Variants in RANBP10 observed in about 807,000 individuals in gnomAD.
The protein encoded by RANBP10 is RAN binding protein 10.
RANBP10 carries 24 observed loss-of-function variants against 72.8 expected under a neutral mutation model. The ratio of observed to expected loss-of-function variants is 0.33; its 90% CI spans 0.24 to 0.46. The LOEUF is 0.46. Among genes scored for constraint, RANBP10 ranks in the 20% least tolerant of loss-of-function variants. The probability of loss-of-function intolerance (pLI) is 1.00; values close to 1 mark genes in which losing one functional copy is unlikely to be tolerated. For synonymous variants in RANBP10, 310 were observed against 322.3 expected, an observed-to-expected ratio of 0.96 and a Z score of 0.41; for missense variants, 679 against 817.5, an observed-to-expected ratio of 0.83 and a Z score of 2.07.
rs933204630 is a variant in RANBP10, at chr16:67,727,796, C to T, written c.1575G>A (p.Leu525=). The part of the protein sequence containing the change: ...GRELQALSEQ[L]GREYGKNLAH... ...CCAAATTCTTGCCGTACTCCCGGCCCAACTGCTCACTCAATGCCTGCAACT... is the reference window on the plus strand; with the variant it reads ...CCAAATTCTTGCCGTACTCCCGGCCTAACTGCTCACTCAATGCCTGCAACT... Residue 525 remains leucine (L), a synonymous_variant, in exon 12 of 14, where the codon TTG becomes TTA. Coordinates refer to ENST00000317506, the MANE Select transcript of RANBP10 (RefSeq NM_020850.3). 1 of 1,614,076 alleles carries T rather than the reference C, an allele frequency of 6.2e-7. No homozygotes were observed. Among genetic ancestry groups the T allele is most frequent in the African/African-American group, 1.3e-5 (1 of 74,936 alleles).
At chr16:67,802,114 T>C (rs2055245541) in intron 2 of RANBP10, among the ~76,000 whole-genome samples, 1 of 148,048 alleles carries the variant, frequency 6.8e-6, no homozygotes. Context: ...AAAAAAAATC[T>C]ACAAAAAAAG....
chr16:67,753,522 G>C (rs1050937079), intron 3 of RANBP10, among the ~76,000 whole-genome samples: 14 of 152,146 alleles, frequency 9.2e-5, no homozygotes, highest in Non-Finnish European at 1.6e-4. Context: ...CCAGATGATG[G>C]GCTAGCAATG....
chr16:67,798,903 C>CAGGGAG (rs1369110707), intron 2 of RANBP10, among the ~76,000 whole-genome samples: 5 of 152,118 alleles, frequency 3.3e-5, no homozygotes, highest in African/African-American at 9.7e-5. Context: ...GCCCACGCTC[C>CAGGGAG]CTGGCCACAG....
At chr16:67,769,054 C>CT (rs577380936) in intron 3 of RANBP10, among the ~76,000 whole-genome samples, 11 of 152,044 alleles carry the variant, frequency 7.2e-5, no homozygotes, top group Middle Eastern at 3.4e-3. Flanking sequence ...TTTGTTTTCT[C>CT]TTTTTTTTGC....
intron 2 of RANBP10, among the ~76,000 whole-genome samples, chr16:67,785,221 T>C (rs544902902): frequency 7.0e-6 from 1 of 142,528 alleles, no homozygotes; most frequent in Non-Finnish European, 1.5e-5. Flanking sequence ...CAAAAATAAA[T>C]AAATAAATAA....
At chr16:67,758,073 C>T (rs2054322953) in intron 3 of RANBP10, among the ~76,000 whole-genome samples, 1 of 152,188 alleles carries the variant, frequency 6.6e-6, no homozygotes, top group Non-Finnish European at 1.5e-5. Context: ...CAGCTAGCAC[C>T]TGCAGAAAAA....
chr16:67,750,988 G>A (rs969393471), intron 3 of RANBP10, among the ~76,000 whole-genome samples: 4 of 151,958 alleles, frequency 2.6e-5, no homozygotes, highest in African/African-American at 7.3e-5. Context: ...GGATGGTCTC[G>A]ATCTCCTGAT....
At chr16:67,756,205 C>T (rs1241146568) in intron 3 of RANBP10, among the ~76,000 whole-genome samples, 1 of 152,256 alleles carries the variant, frequency 6.6e-6, no homozygotes, top group Non-Finnish European at 1.5e-5. Context: ...GTGACCGTTC[C>T]AGCAGCCCAC....
At position 67,730,322 on chromosome 16, in the gene RANBP10, C is replaced by A. The variant is rs796270375; in HGVS notation, c.890-276G>T. Among the ~76,000 whole-genome samples the A allele has an allele frequency of 6.6e-6, 1 of 152,152 alleles. No individual in the cohort carries two copies. Among genetic ancestry groups the A allele is most frequent in the Non-Finnish European group, 1.5e-5 (1 of 68,004 alleles). On this transcript the variant is annotated intron_variant, in intron 7 of 13. Coordinates refer to ENST00000317506, the MANE Select transcript of RANBP10 (RefSeq NM_020850.3). This position sits in a 1 kb window ranked among gnomAD's most constrained non-coding sequence, Gnocchi z 4.3. ...GGGTAAATGTGGAGGTCTGCTCCTG[C>A]GGGGCACATGGTGCCAGGGACCTGG... is the stretch of plus-strand genomic sequence containing the variant.
chr16:67,795,918 T>A (rs1219277494), intron 2 of RANBP10, among the ~76,000 whole-genome samples: 1 of 148,890 alleles, frequency 6.7e-6, no homozygotes, highest in Non-Finnish European at 1.5e-5. Flanking sequence ...TATTTTGATT[T>A]TTTTTTTTTT....
intron 3 of RANBP10, among the ~76,000 whole-genome samples, chr16:67,745,900 T>C (rs2054064921): frequency 2.0e-5 from 3 of 152,096 alleles, no homozygotes; most frequent in African/African-American, 7.2e-5. Context: ...CTCACGTCTA[T>C]AATCCCAGCA....
chr16:67,781,882 A>C (rs1284434698), intron 2 of RANBP10, among the ~76,000 whole-genome samples: 1 of 152,184 alleles, frequency 6.6e-6, no homozygotes, highest in African/African-American at 2.4e-5. Flanking sequence ...GCAGGCAGCA[A>C]AGGCCCACAG....
At chr16:67,804,838 G>A (rs2055313504) in intron 2 of RANBP10, among the ~76,000 whole-genome samples, 1 of 152,056 alleles carries the variant, frequency 6.6e-6, no homozygotes, top group Non-Finnish European at 1.5e-5. Flanking sequence ...TCCTAATGCT[G>A]ACTTTAATGA....
chr16:67,744,990 A>ATT (rs998190216), intron 3 of RANBP10, among the ~76,000 whole-genome samples: 1 of 145,266 alleles, frequency 6.9e-6, no homozygotes, highest in Non-Finnish European at 1.5e-5. Flanking sequence ...CGCCCGGCTA[A>ATT]TTTTTTTTTT....
intron 12 of RANBP10, 139 bp from the exon 13 acceptor site, chr16:67,727,577 T>G: frequency 1.5e-6 from 2 of 1,318,070 alleles, no homozygotes; most frequent in Non-Finnish European, 2.1e-6. Flanking sequence ...GGCTGTACTC[T>G]CCCCAGAGCC....
At chr16:67,740,539 AG>A (rs1009011754) in intron 4 of RANBP10, among the ~76,000 whole-genome samples, 2 of 152,066 alleles carry the variant, frequency 1.3e-5, no homozygotes, top group Non-Finnish European at 2.9e-5. Flanking sequence ...AAAATAGAAC[AG>A]GGTCTATTCT....
At chr16:67,746,543 T>C (rs2054083577) in intron 3 of RANBP10, among the ~76,000 whole-genome samples, 2 of 151,486 alleles carry the variant, frequency 1.3e-5, no homozygotes, top group Admixed American at 6.6e-5. Flanking sequence ...CCCAGCTACT[T>C]AGGAGGCTGA....
intron 2 of RANBP10, among the ~76,000 whole-genome samples, chr16:67,802,298 T>C (rs2055248604): frequency 6.6e-6 from 1 of 152,158 alleles, no homozygotes; most frequent in Non-Finnish European, 1.5e-5. Flanking sequence ...AGTGGTCAAC[T>C]GAAGCAGGAT....
chr16:67,760,966 C>A (rs938675535), intron 3 of RANBP10, among the ~76,000 whole-genome samples: 6 of 152,184 alleles, frequency 3.9e-5, no homozygotes, highest in Non-Finnish European at 7.3e-5. Context: ...ATCAACAACC[C>A]TGACTTCGTC....
Sources: gnomAD v4.1 joint callset for allele counts (sites outside exome capture counted in the v4.1 genomes callset) on GRCh38, gnomAD v4.1.1 for gene constraint, Gnocchi (gnomAD v3.1) non-coding constraint, MANE v1.5 for transcripts, NCBI Gene and HGNC (gene_info 2026-07-23, HGNC 2026-07-21) for gene names.